ETV1: variants seen among roughly 807,000 people sequenced by gnomAD.
ETV1 encodes ETS translocation variant 1.
Under a neutral mutation model 62.3 loss-of-function variants are expected in ETV1, and 27 were observed. The ratio of observed to expected loss-of-function variants is 0.43; its 90% CI spans 0.32 to 0.60. The LOEUF is 0.60. Ranked by LOEUF, ETV1 falls within the 20% of genes least tolerant of loss-of-function variation. The probability of loss-of-function intolerance (pLI) is 0.06; values close to 1 mark genes in which losing one functional copy is unlikely to be tolerated. For missense variants in ETV1, 605 were observed against 605.8 expected (o/e 1.00, Z 0.01); for synonymous variants, 222 against 199.6 (o/e 1.11, Z -0.94).
chr7:13,905,012 G>A (rs1782813033), intron 12 of ETV1, among the ~76,000 whole-genome samples: 1 of 149,974 alleles, frequency 6.7e-6, no homozygotes. Flanking sequence ...GTGCGTGCTT[G>A]ATGTGGGGCA....
intron 6 of ETV1, among the ~76,000 whole-genome samples, chr7:13,942,169 G>A (rs932961005): frequency 3.0e-4 from 45 of 151,578 alleles, no homozygotes; most frequent in Admixed American, 5.3e-4. Flanking sequence ...GACTACAGGC[G>A]CCCGCCACCA....
chr7:13,988,820 C>T (rs896861382), intron 3 of ETV1, 188 bp downstream of exon 3: 60 of 1,602,548 alleles, frequency 3.7e-5, no homozygotes, highest in Non-Finnish European at 5.0e-5. Flanking sequence ...ATGCCTTATC[C>T]AAATCACTGA....
intron 5 of ETV1, among the ~76,000 whole-genome samples, chr7:13,985,691 A>C (rs1202945566): frequency 6.6e-6 from 1 of 152,154 alleles, no homozygotes; most frequent in Non-Finnish European, 1.5e-5. Context: ...TCAATGCTTA[A>C]ATATCTATAA....
intron 12 of ETV1, among the ~76,000 whole-genome samples, chr7:13,901,816 A>G (rs1470594221): frequency 6.6e-6 from 1 of 152,222 alleles, no homozygotes; most frequent in Non-Finnish European, 1.5e-5. Context: ...CATGTATATG[A>G]GTCCACAAAC....
chr7:13,947,004 T>C (rs954044056), intron 6 of ETV1, among the ~76,000 whole-genome samples: 13 of 152,268 alleles, frequency 8.5e-5, no homozygotes, highest in African/African-American at 3.1e-4. Flanking sequence ...TTGGCCAGGC[T>C]GGTCTCAAAC....
chr7:13,984,192 G>C (rs978468809), intron 5 of ETV1, among the ~76,000 whole-genome samples: 1 of 151,918 alleles, frequency 6.6e-6, no homozygotes, highest in South Asian at 2.1e-4. Flanking sequence ...CGAGAAACTT[G>C]ATTAACTGCC....
intron 6 of ETV1, among the ~76,000 whole-genome samples, chr7:13,961,672 C>T (rs1392159357): frequency 1.3e-5 from 2 of 151,948 alleles, no homozygotes; most frequent in Non-Finnish European, 1.5e-5. Flanking sequence ...GTTAGACCCA[C>T]AAATTAGGGT....
chr7:13,986,294 C>T, intron 5 of ETV1: 1 of 1,506,600 alleles, frequency 6.6e-7, no homozygotes, highest in Non-Finnish European at 8.8e-7. Context: ...GGTTCTGGCT[C>T]TAGGAGGTCT....
At chr7:13,988,696 T>A in intron 3 of ETV1, 1 of 1,612,502 alleles carries the variant, frequency 6.2e-7, no homozygotes, top group Non-Finnish European at 8.5e-7. Flanking sequence ...CTTTTCAATG[T>A]GGCAGACAAA....
Position 13,928,154 on chromosome 7 carries a change from A to G in ETV1, c.802+3348T>C, listed in dbSNP as rs141601612. ...CATATTATGTATGAATGTAATTCTTACAGCACAAGATGCTGTATTTCGCCC... is the reference window on the plus strand; with the variant it reads ...CATATTATGTATGAATGTAATTCTTGCAGCACAAGATGCTGTATTTCGCCC... On this transcript the variant is annotated intron_variant, in intron 9 of 13. Coordinates refer to ENST00000430479, the MANE Select transcript of ETV1 (RefSeq NM_004956.5). Among the ~76,000 whole-genome samples the G allele has an allele frequency of 3.5e-3, 537 of 152,342 alleles. 2 individuals carry two copies. The highest frequency in any genetic ancestry group is 0.013 in the African/African-American group (523 of 41,580).
intron 6 of ETV1, among the ~76,000 whole-genome samples, chr7:13,950,781 G>A (rs1269593971): frequency 6.6e-6 from 1 of 152,012 alleles, no homozygotes; most frequent in African/African-American, 2.4e-5. Flanking sequence ...ATCTAACTCA[G>A]AGGTTGACAA....
chr7:13,962,247 G>A (rs1463209184), intron 6 of ETV1, among the ~76,000 whole-genome samples: 5 of 151,254 alleles, frequency 3.3e-5, no homozygotes, highest in East Asian at 2.0e-4. Context: ...TCACCCTAGG[G>A]GAGATAATAT....
intron 12 of ETV1, among the ~76,000 whole-genome samples, chr7:13,902,197 A>G (rs892422497): frequency 6.6e-5 from 10 of 152,128 alleles, no homozygotes; most frequent in African/African-American, 2.4e-4. Context: ...TATGTCATAT[A>G]TACTAAAATA....
At chr7:13,929,891 G>A (rs1467572103) in intron 9 of ETV1, among the ~76,000 whole-genome samples, 12 of 152,178 alleles carry the variant, frequency 7.9e-5, no homozygotes, top group Admixed American at 7.9e-4. Context: ...CTCTTTTGCA[G>A]AGCCTTAAGG....
chr7:13,928,049 C>T (rs868016530), intron 9 of ETV1, among the ~76,000 whole-genome samples: 1 of 152,104 alleles, frequency 6.6e-6, no homozygotes, highest in Non-Finnish European at 1.5e-5. Flanking sequence ...CTTCGACAAA[C>T]GATGCTGGAC....
chr7:13,943,616 A>T (rs188620998), intron 6 of ETV1, among the ~76,000 whole-genome samples: 96 of 152,332 alleles, frequency 6.3e-4, no homozygotes, highest in African/African-American at 2.2e-3. Context: ...AAAAACTCAA[A>T]TATTCATCAA....
intron 9 of ETV1, 117 bp from the exon 10 acceptor site, chr7:13,911,424 A>G (rs1189702788): frequency 7.6e-6 from 5 of 661,660 alleles, no homozygotes; most frequent in Non-Finnish European, 1.4e-5. Flanking sequence ...AATGTGGGGA[A>G]CATGTCAACA....
At chr7:13,988,606 A>G in intron 3 of ETV1, 1 of 1,247,072 alleles carries the variant, frequency 8.0e-7, no homozygotes, top group South Asian at 1.9e-5. Flanking sequence ...AAAAAAAAAA[A>G]AAAGAGAAAA....
At chr7:13,927,423 G>C (rs959963212) in intron 9 of ETV1, among the ~76,000 whole-genome samples, 3 of 152,178 alleles carry the variant, frequency 2.0e-5, no homozygotes, top group Admixed American at 2.0e-4. Context: ...CTGCACTCCA[G>C]CCTGGGCGAC....
Sources: gnomAD v4.1 joint callset for allele counts (sites outside exome capture counted in the v4.1 genomes callset) on GRCh38, gnomAD v4.1.1 for gene constraint, MANE v1.5 for transcripts, NCBI Gene and HGNC (gene_info 2026-07-23, HGNC 2026-07-21) for gene names.